ZXDC: variants seen among roughly 807,000 people sequenced by gnomAD.
ZXDC encodes the protein ZXD family zinc finger C.
In ZXDC, 58 loss-of-function variants were observed where a neutral mutation model predicts 63.6. The ratio of observed to expected loss-of-function variants is 0.91; its 90% CI spans 0.74 to 1.13. ZXDC has a LOEUF of 1.13. Among genes scored for constraint, ZXDC ranks in the 50% most tolerant of loss-of-function variants. The pLI is 0.00. For synonymous variants in ZXDC, 561 were observed against 496.1 expected (o/e 1.13, Z -1.74); for missense variants, 1,133 against 1,148.9 (o/e 0.99, Z 0.20).
chr3:126,471,376 G>A (rs1043256644), intron 3 of ZXDC, among the ~76,000 whole-genome samples: 1 of 152,208 alleles, frequency 6.6e-6, no homozygotes, highest in African/African-American at 2.4e-5. Flanking sequence ...AGCGACAGAC[G>A]GTCGTGAGAA....
At chr3:126,453,209 T>C in intron 7 of ZXDC, 2 of 985,338 alleles carry the variant, frequency 2.0e-6, no homozygotes, top group Non-Finnish European at 2.4e-6. Context: ...TAACTTATTA[T>C]CATACAGTTA....
At chr3:126,465,183 G>C (rs1245552457) in intron 5 of ZXDC, among the ~76,000 whole-genome samples, 1 of 152,194 alleles carries the variant, frequency 6.6e-6, no homozygotes, top group African/African-American at 2.4e-5. Flanking sequence ...GTAACTCTAG[G>C]GCCAGCTAGG....
intron 6 of ZXDC, chr3:126,461,298 C>G: frequency 7.5e-7 from 1 of 1,333,382 alleles, no homozygotes. Context: ...CAAAGGACCT[C>G]AGAAAGCATT....
chr3:126,475,675 G>A lies in ZXDC; in HGVS notation c.191C>T (p.Pro64Leu), dbSNP rs751841872. The A allele has an allele frequency of 1.5e-5, 21 of 1,403,700 alleles. No individual in the cohort carries two copies. The East Asian group carries it at 5.1e-4, about 34-fold the overall frequency. 87.0% of individuals were successfully genotyped at this position (1,403,700 alleles called of 1,614,324 possible). ...RPGEASGPSP[P>L]PAEDDSDGDS... ...GCCGTCGCTGTCGTCCTCGGCGGGC[G>A]GCGGGCTTGGCCCGGAGGCCTCCCC... The change falls in exon 1 of 10, where the codon CCG (proline) becomes CTG (leucine). Residue 64 changes from proline to leucine, a missense_variant. By Grantham distance (98) the Pro-to-Leu change is moderately conservative. Transcript: ENST00000389709.
At position 126,439,714 on chromosome 3, in the gene ZXDC, C is replaced by T. The variant is rs1256083991; in HGVS notation, c.2408G>A (p.Gly803Asp). The T allele has an allele frequency of 1.3e-6, 2 of 1,551,400 alleles. No homozygotes were observed. The highest frequency in any genetic ancestry group is 1.7e-6 in the Non-Finnish European group (2 of 1,147,042). Reference protein sequence around the residue: ...QVQLVQDDPSGEGVLPSARGP... With the variant: ...QVQLVQDDPSDEGVLPSARGP... ...GCGGGCCGAGGGCAGGACACCTTCG[C>T]CGGAGGGGTCATCCTGGGAAGGCAA... The change falls in exon 9 of 10, where the codon GGC (glycine) becomes GAC (aspartate). Residue 803 changes from glycine (G) to aspartate (D), a missense_variant. Physicochemically the swap from Gly to Asp is moderately conservative, Grantham distance 94. Transcript: ENST00000389709.
At position 126,441,961 on chromosome 3, in the gene ZXDC, A is replaced by ACGGCG; in HGVS notation, c.2213-16_2213-15insCGCCG. The ACGGCG allele has an allele frequency of 6.3e-7, 1 of 1,578,266 alleles. No individual in the cohort carries two copies. The highest frequency in any genetic ancestry group is 1.2e-5 in the South Asian group (1 of 85,326). On this transcript the variant is annotated splice_polypyrimidine_tract_variant and intron_variant, in intron 7 of 9. Coordinates refer to ENST00000389709, the MANE Select transcript of ZXDC (RefSeq NM_025112.5). ...CTGTGAGGCTCCTAAAATGAAATAT[A>ACGGCG]AAAACGAGCACACCCAATCTACAAT...
chr3:126,472,929 C>G (rs1560106737), intron 1 of ZXDC, among the ~76,000 whole-genome samples: 1 of 152,206 alleles, frequency 6.6e-6, no homozygotes, highest in Non-Finnish European at 1.5e-5. Context: ...CAATACTTCT[C>G]CTCCGACAGA....
chr3:126,470,993 G>C lies in ZXDC; in HGVS notation c.1172C>G (p.Pro391Arg). The change falls in exon 4 of 10, where the codon CCT becomes CGT. Residue 391 changes from proline (P) to arginine (R), a missense_variant. Coordinates refer to ENST00000389709, the MANE Select transcript of ZXDC (RefSeq NM_025112.5). ...GAATGATTTCCCACAGCCCTCGACAGGGCAGGTAAACCTCCGGTCATCGTC... is the reference window on the plus strand; with the variant it reads ...GAATGATTTCCCACAGCCCTCGACACGGCAGGTAAACCTCCGGTCATCGTC... ...KHDDDRRFTC[P>R]VEGCGKSFTR... 1 of 1,614,168 alleles carries C rather than the reference G, an allele frequency of 6.2e-7. No homozygotes were observed.
At chr3:126,474,255 G>A (rs933326478) in intron 1 of ZXDC, among the ~76,000 whole-genome samples, 11 of 151,918 alleles carry the variant, frequency 7.2e-5, no homozygotes, top group Non-Finnish European at 1.5e-4. Flanking sequence ...TAATAGAGAC[G>A]GGGTTTCACC....
rs770036117 is a variant in ZXDC, at chr3:126,439,662, G to A, written c.2460C>T (p.Leu820=). ...GGACGTAGACGGGCAGGTCCACAGT[G>A]AGGAAGGGGAGGAAGGTGGCTGGGC... is the stretch of plus-strand genomic sequence containing the variant. ...ARGPATFLPF[L]TVDLPVYVLQ... is the part of the protein sequence containing the mutation. The change falls in exon 9 of 10, where the codon CTC becomes CTT. Residue 820 remains leucine, a synonymous_variant. Transcript: ENST00000389709. 20 of 1,553,576 alleles carry A rather than the reference G, an allele frequency of 1.3e-5. No homozygotes were observed. In the South Asian group the frequency reaches 2.1e-4, roughly 17 times the overall value.
At chr3:126,456,172 G>C (rs1482481860) in intron 7 of ZXDC, among the ~76,000 whole-genome samples, 8 of 152,258 alleles carry the variant, frequency 5.3e-5, no homozygotes, top group Admixed American at 3.3e-4. Context: ...TGTTACATGA[G>C]AGGAAAGCTT....
chr3:126,442,958 A>G (rs1933739618), intron 7 of ZXDC: 3 of 152,232 alleles, frequency 2.0e-5, no homozygotes, highest in Admixed American at 2.0e-4. Context: ...CTTGCCCTGC[A>G]TATGCTGTCT....
rs761168859 is a variant in ZXDC at position 126,461,949 on chromosome 3, G to A, written c.1713C>T (p.His571=). ...GPMEPLVLVA[H]SDIPPSLDSP... is the part of the protein sequence containing the mutation. ...TGTCCAGGCTTGGGGGAATATCACTGTGGGCCACCAGGACCAGGGGTTCCA... is the reference window on the plus strand; with the variant it reads ...TGTCCAGGCTTGGGGGAATATCACTATGGGCCACCAGGACCAGGGGTTCCA... Residue 571 remains histidine, a synonymous_variant, in exon 6 of 10, where the codon CAC becomes CAT. Coordinates refer to ENST00000389709, the MANE Select transcript of ZXDC (RefSeq NM_025112.5). The A allele has an allele frequency of 1.9e-6, 3 of 1,614,150 alleles. No individual in the cohort carries two copies. Among genetic ancestry groups the A allele is most frequent in the South Asian group, 1.1e-5 (1 of 91,066 alleles).
intron 8 of ZXDC, chr3:126,440,356 T>C: frequency 1.0e-6 from 1 of 986,686 alleles, no homozygotes. Context: ...GAGAAGCTCC[T>C]GTGTGTCAAG....
intron 5 of ZXDC, among the ~76,000 whole-genome samples, chr3:126,462,996 G>T (rs1203454702): frequency 6.6e-6 from 1 of 152,044 alleles, no homozygotes; most frequent in African/African-American, 2.4e-5. Context: ...CCTGAGGGTG[G>T]AGAGCCATCT....
At chr3:126,460,871 C>T (rs1405180942) in intron 6 of ZXDC, 1 of 985,218 alleles carries the variant, frequency 1.0e-6, no homozygotes, top group African/African-American at 1.7e-5. Flanking sequence ...TAAATGTCAC[C>T]ATCAAATTTA....
intron 1 of ZXDC, 140 bp downstream of exon 1, chr3:126,474,819 G>T: frequency 9.7e-7 from 1 of 1,025,738 alleles, no homozygotes; most frequent in Non-Finnish European, 1.4e-6. Flanking sequence ...GAATGACATG[G>T]AAGGAGCTAG....
chr3:126,439,632 C>T lies in ZXDC; in HGVS notation c.2490G>A (p.Gln830=), dbSNP rs1446564099. The change falls in exon 9 of 10, where the codon CAG becomes CAA. Residue 830 remains glutamine (Q), a splice_region_variant and synonymous_variant. Transcript: ENST00000389709. Reference sequence around the variant, plus strand: ...ACAAAGGGCAGTAAGGCATCCAGACCTGGAGGACGTAGACGGGCAGGTCCA... The same window carrying T: ...ACAAAGGGCAGTAAGGCATCCAGACTTGGAGGACGTAGACGGGCAGGTCCA... The part of the protein sequence containing the change: ...LTVDLPVYVL[Q]EVLPSSGGPA... 4 of 1,552,664 alleles carry T rather than the reference C, an allele frequency of 2.6e-6. No individual in the cohort carries two copies. In the African/African-American group the frequency reaches 5.5e-5, roughly 21 times the overall value.
chr3:126,460,053 A>T, intron 6 of ZXDC: 1 of 985,416 alleles, frequency 1.0e-6, no homozygotes, highest in Non-Finnish European at 1.2e-6. Flanking sequence ...TCTGAAACAA[A>T]CACCGAGCCT....
Sources: gnomAD v4.1 joint callset for allele counts (sites outside exome capture counted in the v4.1 genomes callset) on GRCh38, gnomAD v4.1.1 for gene constraint, MANE v1.5 for transcripts, NCBI Gene and HGNC (gene_info 2026-07-23, HGNC 2026-07-21) for gene names.